SH3GL2: variants seen among roughly 807,000 people sequenced by gnomAD.
The protein encoded by SH3GL2 is endophilin-A1.
SH3GL2 carries 24 observed loss-of-function variants against 46.0 expected under a neutral mutation model. The observed-to-expected ratio is 0.52, with a 90% CI of 0.38 to 0.73. The LOEUF (loss-of-function observed/expected upper bound fraction) is 0.73, where lower values mean the gene tolerates loss of function less well. Ranked by LOEUF, SH3GL2 falls within the 30% of genes least tolerant of loss-of-function variation. The pLI is 0.00. For synonymous variants in SH3GL2, 196 were observed against 147.1 expected, an observed-to-expected ratio of 1.33 and a Z score of -2.40; for missense variants, 413 against 424.2, an observed-to-expected ratio of 0.97 and a Z score of 0.23.
intron 8 of SH3GL2, 55 bp downstream of exon 8, chr9:17,793,552 C>G (rs1824194450): frequency 1.9e-6 from 3 of 1,564,216 alleles, no homozygotes; most frequent in South Asian, 2.3e-5. Flanking sequence ...TCCATTGGCA[C>G]TCTTCCAGAA....
intron 1 of SH3GL2, among the ~76,000 whole-genome samples, chr9:17,582,573 A>G (rs1818297517): frequency 6.6e-6 from 1 of 152,236 alleles, no homozygotes; most frequent in Non-Finnish European, 1.5e-5. Context: ...CATGCATATG[A>G]TGTGGACACA....
intron 1 of SH3GL2, among the ~76,000 whole-genome samples, chr9:17,746,528 A>G (rs918678139): frequency 2.8e-4 from 42 of 152,216 alleles, no homozygotes; most frequent in Non-Finnish European, 1.0e-4. Context: ...GTACTTAAGG[A>G]TGTAGACAGC....
intron 1 of SH3GL2, among the ~76,000 whole-genome samples, chr9:17,701,449 G>C (rs544014990): frequency 6.6e-6 from 1 of 152,194 alleles, no homozygotes; most frequent in African/African-American, 2.4e-5. Context: ...TGTATCATTT[G>C]GGGCCTCTTT....
intron 1 of SH3GL2, among the ~76,000 whole-genome samples, chr9:17,623,531 G>C (rs1033490843): frequency 6.6e-6 from 1 of 152,122 alleles, no homozygotes; most frequent in South Asian, 2.1e-4. Context: ...GTTAAGACTG[G>C]ACAATGTTTC....
At chr9:17,618,049 T>C (rs1819046845) in intron 1 of SH3GL2, among the ~76,000 whole-genome samples, 1 of 152,130 alleles carries the variant, frequency 6.6e-6, no homozygotes, top group African/African-American at 2.4e-5. Flanking sequence ...AAGTTGCAGT[T>C]GGGAGTTCTG....
chr9:17,708,181 C>G (rs1821523593), intron 1 of SH3GL2, among the ~76,000 whole-genome samples: 1 of 151,990 alleles, frequency 6.6e-6, no homozygotes, highest in Non-Finnish European at 1.5e-5. Context: ...CCATCGTGGT[C>G]ATTGCTGTTC....
intron 1 of SH3GL2, among the ~76,000 whole-genome samples, chr9:17,605,578 A>G (rs1295665029): frequency 6.6e-6 from 1 of 152,174 alleles, no homozygotes; most frequent in Non-Finnish European, 1.5e-5. Flanking sequence ...CTAGCAAAAA[A>G]CAAGCAGAGA....
chr9:17,764,425 G>A (rs184491173), intron 3 of SH3GL2, among the ~76,000 whole-genome samples: 33 of 152,324 alleles, frequency 2.2e-4, no homozygotes, highest in Non-Finnish European at 3.7e-4. Context: ...GCACAGGAGA[G>A]CACAAAGAAT....
chr9:17,760,414 A>G (rs1212925755), intron 2 of SH3GL2, among the ~76,000 whole-genome samples: 1 of 152,000 alleles, frequency 6.6e-6, no homozygotes, highest in Non-Finnish European at 1.5e-5. Flanking sequence ...CAAGGCTGAT[A>G]TTATATACCG....
intron 1 of SH3GL2, among the ~76,000 whole-genome samples, chr9:17,697,405 G>T (rs557357373): frequency 2.8e-5 from 4 of 142,646 alleles, no homozygotes; most frequent in African/African-American, 9.8e-5. Flanking sequence ...TGTATTTTTA[G>T]TAGAGACAGG....
intron 6 of SH3GL2, 105 bp downstream of exon 6, chr9:17,789,655 T>C (rs1824066217): frequency 5.3e-6 from 8 of 1,519,318 alleles, no homozygotes; most frequent in Non-Finnish European, 7.1e-6. Flanking sequence ...TTACACTATG[T>C]GATAAGAACT....
chr9:17,683,229 G>T (rs1410533173), intron 1 of SH3GL2, among the ~76,000 whole-genome samples: 1 of 152,122 alleles, frequency 6.6e-6, no homozygotes, highest in Non-Finnish European at 1.5e-5. Flanking sequence ...GGAGAATTCA[G>T]TTACATGCAG....
chr9:17,748,761 G>A (rs1156457268), intron 2 of SH3GL2, among the ~76,000 whole-genome samples: 2 of 152,104 alleles, frequency 1.3e-5, no homozygotes, highest in Admixed American at 1.3e-4. Context: ...CCAGCGTGGC[G>A]AGGAGGAAAA....
At chr9:17,605,500 AG>A (rs1221444205) in intron 1 of SH3GL2, among the ~76,000 whole-genome samples, 3 of 152,134 alleles carry the variant, frequency 2.0e-5, no homozygotes, top group Non-Finnish European at 4.4e-5. Flanking sequence ...AGAAATATAA[AG>A]GGTAATGAAA....
At chr9:17,687,984 A>T (rs996194777) in intron 1 of SH3GL2, among the ~76,000 whole-genome samples, 1 of 152,130 alleles carries the variant, frequency 6.6e-6, no homozygotes, top group African/African-American at 2.4e-5. Context: ...TTTAAAAAGT[A>T]AGGGCAAAGA....
chr9:17,693,361 G>A (rs555830874), intron 1 of SH3GL2, among the ~76,000 whole-genome samples: 11 of 152,168 alleles, frequency 7.2e-5, no homozygotes, highest in African/African-American at 2.6e-4. Context: ...ATGCTCTTTT[G>A]GTTGCATTAG....
At chr9:17,595,318 G>A (rs148288399) in intron 1 of SH3GL2, among the ~76,000 whole-genome samples, 1 of 152,156 alleles carries the variant, frequency 6.6e-6, no homozygotes, top group Admixed American at 6.5e-5. Flanking sequence ...CAATATGAAA[G>A]GCAGTATTTG....
chr9:17,719,220 T>G (rs1431365203), intron 1 of SH3GL2, among the ~76,000 whole-genome samples: 2 of 152,150 alleles, frequency 1.3e-5, no homozygotes, highest in African/African-American at 4.8e-5. Context: ...AGTCCTCTCT[T>G]AGCATTAATT....
intron 1 of SH3GL2, among the ~76,000 whole-genome samples, chr9:17,691,670 G>A (rs1254905266): frequency 6.6e-6 from 1 of 151,962 alleles, no homozygotes; most frequent in Non-Finnish European, 1.5e-5. Context: ...AAAATTGATG[G>A]GATTTGCAGT....
Sources: allele counts gnomAD v4.1 joint callset (sites outside exome capture counted in the v4.1 genomes callset), GRCh38; gene constraint gnomAD v4.1.1; transcripts MANE v1.5; gene names NCBI Gene and HGNC (gene_info 2026-07-23, HGNC 2026-07-21).